Variants in PDZRN4 observed in about 807,000 individuals in gnomAD.
The protein encoded by PDZRN4 is PDZ domain-containing RING finger protein 4.
In PDZRN4, 70 loss-of-function variants were observed where a neutral mutation model predicts 99.0. The observed-to-expected ratio is 0.71, with a 90% confidence interval of 0.58 to 0.86. The LOEUF is 0.86. Among genes scored for constraint, PDZRN4 ranks in the 40% least tolerant of loss-of-function variants. The pLI is 0.00. For missense variants in PDZRN4, 1,474 were observed against 1,331.2 expected (o/e 1.11, Z -1.67); for synonymous variants, 551 against 501.6 (o/e 1.10, Z -1.32).
chr12:41,433,091 C>A (rs1458260705), intron 3 of PDZRN4, among the ~76,000 whole-genome samples: 2 of 152,182 alleles, frequency 1.3e-5, no homozygotes, highest in Admixed American at 6.5e-5. Context: ...CTGTGACATT[C>A]AAAAAATTTC....
At chr12:41,397,094 T>G (rs1952251806) in intron 3 of PDZRN4, among the ~76,000 whole-genome samples, 1 of 152,186 alleles carries the variant, frequency 6.6e-6, no homozygotes, top group Non-Finnish European at 1.5e-5. Flanking sequence ...TCTAGTTTGG[T>G]GGATATATTC....
rs1170692442 is a variant in PDZRN4 at position 41,322,859 on chromosome 12, C to T, written c.843+128671C>T. Among the ~76,000 whole-genome samples, 10 of 150,992 alleles carry T rather than the reference C, an allele frequency of 6.6e-5. No homozygotes were observed. The South Asian group carries it at 1.0e-3, about 16-fold the overall frequency. On this transcript the variant is annotated intron_variant, in intron 3 of 9. Coordinates refer to ENST00000402685, the MANE Select transcript of PDZRN4 (RefSeq NM_001164595.2). Reference sequence around the variant, plus strand: ...GGAATCTGAATTATGATCTTTTTCTCGATTTCTTTCCTTTTTTCTTTTTTT... The same window carrying T: ...GGAATCTGAATTATGATCTTTTTCTTGATTTCTTTCCTTTTTTCTTTTTTT...
rs561671985 is a variant in PDZRN4, at chr12:41,296,643, C to T, written c.843+102455C>T. On this transcript the variant is annotated intron_variant, in intron 3 of 9. Coordinates refer to ENST00000402685, the MANE Select transcript of PDZRN4 (RefSeq NM_001164595.2). ...CACAGTCATGATTTGGCTCCTCTTC[C>T]TTCTTTTTATTTTCTAATATTAAAA... Among the ~76,000 whole-genome samples the T allele has an allele frequency of 4.7e-4, 71 of 152,180 alleles. 1 individual carries two copies. Among genetic ancestry groups the T allele is most frequent in the African/African-American group, 1.7e-3 (71 of 41,522 alleles).
intron 9 of PDZRN4, 50 bp from the exon 10 acceptor site, chr12:41,572,314 G>T: frequency 2.0e-6 from 3 of 1,474,314 alleles, no homozygotes; most frequent in African/African-American, 2.8e-5. Context: ...AATAACAAAT[G>T]TCTTCCAAAA....
chr12:41,334,739 G>T (rs1212154149), intron 3 of PDZRN4, among the ~76,000 whole-genome samples: 1 of 152,174 alleles, frequency 6.6e-6, no homozygotes, highest in Admixed American at 6.5e-5. Context: ...GAGGAGAAGA[G>T]ATAAATCATT....
intron 9 of PDZRN4, among the ~76,000 whole-genome samples, chr12:41,568,843 C>T (rs1352714174): frequency 2.0e-5 from 3 of 151,302 alleles, no homozygotes; most frequent in South Asian, 4.2e-4. Context: ...CTTGCTCTGT[C>T]GCTCAGGCTG....
At chr12:41,425,123 A>C (rs548319362) in intron 3 of PDZRN4, among the ~76,000 whole-genome samples, 1 of 152,308 alleles carries the variant, frequency 6.6e-6, no homozygotes, top group South Asian at 2.1e-4. Flanking sequence ...GAGAAAAATA[A>C]AACGATCAAT....
rs1176924925 is a variant in PDZRN4, at chr12:41,506,581, G to C, written c.969G>C (p.Met323Ile). Residue 323 changes from methionine (M) to isoleucine (I), a missense_variant, in exon 4 of 10, where the codon ATG becomes ATC. Coordinates refer to ENST00000402685, the MANE Select transcript of PDZRN4 (RefSeq NM_001164595.2). Reference sequence around the variant, plus strand: ...CTCTTAGTAGACCAGCCTATGGGATGGCTTCAGAAGTGCAGCTTATGAATG... The same window carrying C: ...CTCTTAGTAGACCAGCCTATGGGATCGCTTCAGAAGTGCAGCTTATGAATG... ...RTPLSRPAYG[M>I]ASEVQLMNAS... 3 of 1,613,806 alleles carry C rather than the reference G, an allele frequency of 1.9e-6. No homozygotes were observed. The African/African-American group carries it at 4.0e-5, about 22-fold the overall frequency.
intron 5 of PDZRN4, among the ~76,000 whole-genome samples, chr12:41,523,095 C>T (rs1938519160): frequency 6.6e-6 from 1 of 152,050 alleles, no homozygotes; most frequent in South Asian, 2.1e-4. Flanking sequence ...TGTGTGACCC[C>T]TCTGAGCCTC....
chr12:41,289,849 G>A (rs574056799), intron 3 of PDZRN4, among the ~76,000 whole-genome samples: 12 of 152,248 alleles, frequency 7.9e-5, no homozygotes, highest in South Asian at 4.1e-4. Flanking sequence ...AGAAAATAGC[G>A]GTGCAAAGTT....
chr12:41,485,563 C>G (rs1261346553), intron 3 of PDZRN4, among the ~76,000 whole-genome samples: 2 of 152,214 alleles, frequency 1.3e-5, no homozygotes, highest in African/African-American at 4.8e-5. Context: ...CTCTCCCTCT[C>G]TCTCTTCCGA....
chr12:41,508,565 A>G (rs1421278463), intron 4 of PDZRN4, among the ~76,000 whole-genome samples: 1 of 152,180 alleles, frequency 6.6e-6, no homozygotes, highest in Non-Finnish European at 1.5e-5. Flanking sequence ...CCGAAAGACA[A>G]GGGAAACACA....
chr12:41,397,034 ATACT>A (rs1240390668), intron 3 of PDZRN4, among the ~76,000 whole-genome samples: 11 of 152,102 alleles, frequency 7.2e-5, no homozygotes, highest in Non-Finnish European at 1.0e-4. Flanking sequence ...AGTTTTTATA[ATACT>A]TAGTTGTTAT....
intron 3 of PDZRN4, among the ~76,000 whole-genome samples, chr12:41,497,981 T>G (rs1005247119): frequency 6.8e-6 from 1 of 147,020 alleles, no homozygotes; most frequent in Non-Finnish European, 1.5e-5. Flanking sequence ...ATTATGAAAC[T>G]TTTTTTTCAG....
chr12:41,281,583 A>G (rs1951386127), intron 3 of PDZRN4, among the ~76,000 whole-genome samples: 6 of 152,220 alleles, frequency 3.9e-5, no homozygotes, highest in Admixed American at 3.9e-4. Flanking sequence ...ACAAGTATCA[A>G]TAGCCAAATT....
At chr12:41,432,178 CAGAT>C (rs760994493) in intron 3 of PDZRN4, among the ~76,000 whole-genome samples, 30 of 152,238 alleles carry the variant, frequency 2.0e-4, no homozygotes, top group Non-Finnish European at 3.5e-4. Flanking sequence ...TTTAAACGTA[CAGAT>C]AGTGTATACA....
chr12:41,404,586 A>G (rs759108598), intron 3 of PDZRN4, among the ~76,000 whole-genome samples: 1 of 152,156 alleles, frequency 6.6e-6, no homozygotes, highest in Non-Finnish European at 1.5e-5. Context: ...TACTGCCCAG[A>G]GCCATTTACA....
At chr12:41,519,233 T>G (rs1358797892) in intron 5 of PDZRN4, among the ~76,000 whole-genome samples, 1 of 152,096 alleles carries the variant, frequency 6.6e-6, no homozygotes, top group Non-Finnish European at 1.5e-5. Flanking sequence ...TCTTCTATGC[T>G]GTCCTGTTTA....
At chr12:41,323,501 G>T (rs1951692666) in intron 3 of PDZRN4, among the ~76,000 whole-genome samples, 1 of 152,022 alleles carries the variant, frequency 6.6e-6, no homozygotes, top group African/African-American at 2.4e-5. Flanking sequence ...AGATGAAAAA[G>T]TAATATTTTT....
Sources: allele counts gnomAD v4.1 joint callset (sites outside exome capture counted in the v4.1 genomes callset), GRCh38; gene constraint gnomAD v4.1.1; transcripts MANE v1.5; gene names NCBI Gene and HGNC (gene_info 2026-07-23, HGNC 2026-07-21).